ADAM22: variants seen among roughly 807,000 people sequenced by gnomAD.
The protein encoded by ADAM22 is disintegrin and metalloproteinase domain-containing protein 22.
ADAM22 carries 65 observed loss-of-function variants against 144.6 expected under a neutral mutation model. The observed-to-expected ratio is 0.45, with a 90% CI of 0.37 to 0.55. ADAM22 has a LOEUF of 0.55. ADAM22 is among the 20% of genes least tolerant of loss of function. The probability of loss-of-function intolerance (pLI) is 0.00; values close to 1 mark genes in which losing one functional copy is unlikely to be tolerated. For missense variants in ADAM22, 974 were observed against 1,184.9 expected, an observed-to-expected ratio of 0.82 and a Z score of 2.61; for synonymous variants, 391 against 412.6, an observed-to-expected ratio of 0.95 and a Z score of 0.63.
intron 3 of ADAM22, among the ~76,000 whole-genome samples, chr7:88,037,019 A>G (rs1005000526): frequency 1.3e-5 from 2 of 152,140 alleles, no homozygotes; most frequent in Admixed American, 6.5e-5. Flanking sequence ...ATTTATGGCT[A>G]CATATTTGCT....
chr7:88,051,565 G>T (rs1028446350), intron 3 of ADAM22, among the ~76,000 whole-genome samples: 6 of 151,342 alleles, frequency 4.0e-5, no homozygotes, highest in Admixed American at 2.0e-4. Flanking sequence ...GTGGGGGGAG[G>T]AGGGAGGGAT....
intron 3 of ADAM22, among the ~76,000 whole-genome samples, chr7:88,016,730 T>G (rs1796617931): frequency 6.6e-6 from 1 of 152,134 alleles, no homozygotes; most frequent in Non-Finnish European, 1.5e-5. Flanking sequence ...TAAAAAAAGT[T>G]GAGCTCATAA....
chr7:88,083,304 C>G (rs1817413940), intron 4 of ADAM22, among the ~76,000 whole-genome samples: 1 of 151,662 alleles, frequency 6.6e-6, no homozygotes, highest in South Asian at 2.1e-4. Flanking sequence ...CACATGGACA[C>G]AGGAAGGGGA....
rs533027232 is a variant in ADAM22 at position 88,116,435 on chromosome 7, TA to T, written c.538-303del. On this transcript the variant is annotated intron_variant, in intron 6 of 31. Transcript: ENST00000413139. ...AGGGATCCGTGAAAGGAATCAGTAA[TA>T]AAAAAACATTAAGTCATTTTGCCAA... 6.1e-3 allele frequency among the ~76,000 whole-genome samples: 923 copies of T among 152,292 alleles called. 6 individuals carry two copies. The highest frequency in any genetic ancestry group is 9.4e-3 in the Non-Finnish European group (641 of 68,002).
At chr7:88,108,377 TG>T (rs1563230861) in intron 5 of ADAM22, 119 bp downstream of exon 5, 3 of 789,718 alleles carry the variant, frequency 3.8e-6, no homozygotes, top group Non-Finnish European at 5.9e-6. Context: ...AAATTGGTGA[TG>T]GATCTGATTT....
intron 26 of ADAM22, 21 bp downstream of exon 26, chr7:88,171,582 G>T: frequency 1.3e-6 from 2 of 1,567,212 alleles, no homozygotes; most frequent in South Asian, 1.2e-5. Context: ...CAAATAATGT[G>T]AACATAAAAC....
chr7:88,024,911 A>G (rs938476834), intron 3 of ADAM22, among the ~76,000 whole-genome samples: 3 of 152,148 alleles, frequency 2.0e-5, no homozygotes, highest in Non-Finnish European at 2.9e-5. Flanking sequence ...ATAGTATTCC[A>G]TGGTGTATAT....
chr7:88,113,703 A>AATAAATAT (rs1554478726), intron 5 of ADAM22, among the ~76,000 whole-genome samples: 685 of 48,016 alleles, frequency 0.014, 17 homozygotes, highest in East Asian at 0.035. Flanking sequence ...TAAATAAATA[A>AATAAATAT]ATATATATAT....
intron 2 of ADAM22, among the ~76,000 whole-genome samples, chr7:87,946,262 T>C (rs944628815): frequency 6.6e-5 from 10 of 152,314 alleles, no homozygotes; most frequent in Middle Eastern, 3.4e-3. Flanking sequence ...TCCTTATAGA[T>C]TCTGGATATT....
intron 3 of ADAM22, among the ~76,000 whole-genome samples, chr7:88,066,566 A>G (rs1158597094): frequency 6.6e-6 from 1 of 152,166 alleles, no homozygotes; most frequent in Admixed American, 6.6e-5. Flanking sequence ...AAGCTGGAGA[A>G]ACATCAGCAT....
At chr7:88,015,876 A>C (rs1157039563) in intron 3 of ADAM22, among the ~76,000 whole-genome samples, 1 of 152,038 alleles carries the variant, frequency 6.6e-6, no homozygotes, top group Non-Finnish European at 1.5e-5. Context: ...TTATGTATTT[A>C]CATTTTTTAG....
chr7:88,080,853 C>T (rs925940762), intron 4 of ADAM22, among the ~76,000 whole-genome samples: 1 of 152,132 alleles, frequency 6.6e-6, no homozygotes, highest in Non-Finnish European at 1.5e-5. Context: ...TAATTAATAG[C>T]TTACCAACCA....
intron 22 of ADAM22, among the ~76,000 whole-genome samples, chr7:88,156,232 T>C (rs993189003): frequency 6.6e-6 from 1 of 152,182 alleles, no homozygotes; most frequent in African/African-American, 2.4e-5. Context: ...GATTGGTCAG[T>C]AAAGTCTTAT....
chr7:88,177,321 A>T (rs2129536837), intron 26 of ADAM22, among the ~76,000 whole-genome samples: 1 of 152,222 alleles, frequency 6.6e-6, no homozygotes, highest in South Asian at 2.1e-4. Flanking sequence ...AAGGTAAAAT[A>T]GAAAATATTA....
chr7:88,083,592 TG>T (rs1435547348), intron 4 of ADAM22, among the ~76,000 whole-genome samples: 10 of 22,700 alleles, frequency 4.4e-4, no homozygotes, highest in Non-Finnish European at 2.2e-4. Context: ...TGTGTTTGTG[TG>T]TGTGTGTGTG....
At chr7:87,973,829 A>G (rs1171309953) in intron 2 of ADAM22, among the ~76,000 whole-genome samples, 1 of 152,106 alleles carries the variant, frequency 6.6e-6, no homozygotes, top group Non-Finnish European at 1.5e-5. Flanking sequence ...TCAGCAAACT[A>G]TCGTGAGGAC....
At chr7:88,140,997 A>C (rs1834466309) in intron 14 of ADAM22, among the ~76,000 whole-genome samples, 1 of 152,142 alleles carries the variant, frequency 6.6e-6, no homozygotes, top group Non-Finnish European at 1.5e-5. Flanking sequence ...TTGCATGCAG[A>C]GGAGGGGTCC....
chr7:88,202,229 T>A lies in ADAM22; in HGVS notation c.*5738T>A, dbSNP rs1851252462. The A allele has an allele frequency of 6.6e-6, 1 of 152,170 alleles. No homozygotes were observed. Among genetic ancestry groups the A allele is most frequent in the Non-Finnish European group, 1.5e-5 (1 of 68,022 alleles). The allele number at this position is 152,170 out of a possible 1,614,324, so 9.4% of individuals were successfully genotyped here. A position where few individuals can be genotyped will look rare whatever the true frequency, so the allele number is the denominator to read the frequency against. On this transcript the variant is annotated 3_prime_UTR_variant, in exon 32 of 32. Coordinates refer to ENST00000413139, the MANE Select transcript of ADAM22 (RefSeq NM_001324418.2). The stretch of plus-strand genomic sequence containing the variant: ...GTTTTGTATGGAAAACTTTTTTTTT[T>A]ACACTAACTGCAAAACTGCTTTAAA...
At chr7:88,055,156 C>G (rs1456827698) in intron 3 of ADAM22, among the ~76,000 whole-genome samples, 4 of 151,904 alleles carry the variant, frequency 2.6e-5, no homozygotes, top group African/African-American at 7.3e-5. Flanking sequence ...TCTTGCTCAA[C>G]TATCCTTTGT....
Sources: allele counts gnomAD v4.1 joint callset (sites outside exome capture counted in the v4.1 genomes callset), GRCh38; gene constraint gnomAD v4.1.1; transcripts MANE v1.5; gene names NCBI Gene and HGNC (gene_info 2026-07-23, HGNC 2026-07-21).